Variants in DEPDC5 observed in about 807,000 individuals in gnomAD.
DEPDC5 encodes the protein GATOR1 complex protein DEPDC5.
Under a neutral mutation model 217.3 loss-of-function variants are expected in DEPDC5, and 73 were observed. The ratio of observed to expected loss-of-function variants is 0.34; its 90% CI spans 0.28 to 0.41. The LOEUF is 0.41. Ranked by LOEUF, DEPDC5 falls within the 10% of genes least tolerant of loss-of-function variation. The pLI, the probability that DEPDC5 is intolerant of heterozygous loss-of-function variation, is 1.00. For synonymous variants in DEPDC5, 733 were observed against 756.7 expected (o/e 0.97, Z 0.51); for missense variants, 1,675 against 2,070.1 (o/e 0.81, Z 3.70).
At chr22:31,799,688 G>T (rs1281952793) in intron 14 of DEPDC5, among the ~76,000 whole-genome samples, 2 of 148,348 alleles carry the variant, frequency 1.3e-5, no homozygotes, top group Non-Finnish European at 3.0e-5. Context: ...TTTTAGTAGA[G>T]ATGAGGTTTC....
At chr22:31,862,557 C>A (rs2092553795) in intron 33 of DEPDC5, among the ~76,000 whole-genome samples, 1 of 152,020 alleles carries the variant, frequency 6.6e-6, no homozygotes, top group Non-Finnish European at 1.5e-5. Flanking sequence ...GAGCCAGAGT[C>A]CATCTCAAAA....
At chr22:31,822,268 G>A (rs1283982702) in intron 23 of DEPDC5, among the ~76,000 whole-genome samples, 3 of 152,140 alleles carry the variant, frequency 2.0e-5, no homozygotes, top group Non-Finnish European at 2.9e-5. Flanking sequence ...GCAGTCTTTG[G>A]CCCCTCTTTC....
chr22:31,775,777 C>T (rs1410670993), intron 7 of DEPDC5, among the ~76,000 whole-genome samples: 1 of 152,042 alleles, frequency 6.6e-6, no homozygotes. Flanking sequence ...CACAGTGGCT[C>T]ACACCTGTAA....
At chr22:31,823,254 G>A (rs1015016239) in intron 24 of DEPDC5, 1 of 157,776 alleles carries the variant, frequency 6.3e-6, no homozygotes, top group East Asian at 1.8e-4. Flanking sequence ...CCAGGGCTGG[G>A]CGCAGTGGCT....
Position 31,892,124 on chromosome 22 carries a change from G to A in DEPDC5, c.4034-1458G>A, listed in dbSNP as rs578144386. 3.9e-5 allele frequency among the ~76,000 whole-genome samples: 6 copies of A among 152,322 alleles called. No individual in the cohort carries two copies. The East Asian group carries it at 1.2e-3, about 29-fold the overall frequency. The stretch of plus-strand genomic sequence containing the variant: ...GCAAGACTTGTCACTGGTGGTCTGT[G>A]CTGTTTGCCCATTGTGTTTCTTCAT... On this transcript the variant is annotated intron_variant, in intron 38 of 42. Coordinates refer to ENST00000651528, the MANE Select transcript of DEPDC5 (RefSeq NM_001242896.3).
intron 41 of DEPDC5, among the ~76,000 whole-genome samples, chr22:31,905,490 G>T (rs539600505): frequency 1.5e-3 from 223 of 151,932 alleles, no homozygotes; most frequent in African/African-American, 5.2e-3. Flanking sequence ...CAAAAAAAAA[G>T]ATAAGGACCT....
chr22:31,870,717 A>G lies in DEPDC5; in HGVS notation c.3458A>G (p.Tyr1153Cys). The G allele has an allele frequency of 6.3e-7, 1 of 1,585,332 alleles. No homozygotes were observed. Among genetic ancestry groups the G allele is most frequent in the Non-Finnish European group, 8.6e-7 (1 of 1,168,318 alleles). ...GNSQNIGEQG[Y>C]SSTNSSDSSS... ...TCCCAGAACATAGGAGAACAGGGCT[A>G]CTCCTCCACAAACTCCAGTGACAGC... The change falls in exon 34 of 43, where the codon TAC becomes TGC. Residue 1153 changes from tyrosine to cysteine, a missense_variant. Around this residue, in one of 11 missense-constraint regions of DEPDC5, gnomAD observed 194 missense variants for 199.3 expected, o/e 0.97. Transcript: ENST00000651528.
At chr22:31,797,733 C>T (rs754106495) in intron 13 of DEPDC5, 30 bp downstream of exon 13, 60 of 1,553,276 alleles carry the variant, frequency 3.9e-5, no homozygotes, top group Non-Finnish European at 5.2e-5. Flanking sequence ...GATGGTGCGG[C>T]GGGGAAAGGA....
chr22:31,869,114 T>C lies in DEPDC5; in HGVS notation c.3331-1476T>C, dbSNP rs114314367. Reference sequence around the variant, plus strand: ...AAAGTCAGGTATGGTGGCGCATGCCTGTAGTCCCAGTTACTTGGAAGGCTG... The same window carrying C: ...AAAGTCAGGTATGGTGGCGCATGCCCGTAGTCCCAGTTACTTGGAAGGCTG... On this transcript the variant is annotated intron_variant, in intron 33 of 42. Transcript: ENST00000651528. Among the ~76,000 whole-genome samples the C allele has an allele frequency of 3.0e-3, 457 of 152,204 alleles. 4 individuals carry two copies. Among genetic ancestry groups the C allele is most frequent in the African/African-American group, 0.011 (446 of 41,534 alleles).
At position 31,754,162 on chromosome 22, in the gene DEPDC5, T is replaced by G. The variant is rs1047431161; in HGVS notation, c.-63T>G. ...AGAGGCGGGAAGGGGCTCTAGAGCTTCGGTGAGTGGAGCTGCCCGCCCCGG... is the reference window on the plus strand; with the variant it reads ...AGAGGCGGGAAGGGGCTCTAGAGCTGCGGTGAGTGGAGCTGCCCGCCCCGG... On this transcript the variant is annotated splice_region_variant and 5_prime_UTR_variant, in exon 1 of 43. Coordinates refer to ENST00000651528, the MANE Select transcript of DEPDC5 (RefSeq NM_001242896.3). 3 of 153,064 alleles carry G rather than the reference T, an allele frequency of 2.0e-5. No homozygotes were observed. The highest frequency in any genetic ancestry group is 7.2e-5 in the African/African-American group (3 of 41,462). The allele number at this position is 153,064 out of a possible 1,614,324, so 9.5% of individuals were successfully genotyped here.
chr22:31,846,419 C>G (rs963012997), intron 30 of DEPDC5, among the ~76,000 whole-genome samples: 1 of 152,192 alleles, frequency 6.6e-6, no homozygotes, highest in Non-Finnish European at 1.5e-5. Flanking sequence ...TACACAACAT[C>G]ACTTACGATT....
chr22:31,874,653 A>T (rs558469196), intron 36 of DEPDC5, among the ~76,000 whole-genome samples: 2 of 152,322 alleles, frequency 1.3e-5, no homozygotes, highest in South Asian at 4.1e-4. Context: ...GAATCTGTGC[A>T]TTTATAAACC....
At chr22:31,781,803 G>T (rs1407136736) in intron 8 of DEPDC5, among the ~76,000 whole-genome samples, 1 of 152,190 alleles carries the variant, frequency 6.6e-6, no homozygotes, top group African/African-American at 2.4e-5. Context: ...AGAGGCCGAG[G>T]TGGGGGGGAT....
intron 24 of DEPDC5, chr22:31,831,327 G>A (rs1478224956): frequency 2.6e-5 from 4 of 152,080 alleles, no homozygotes; most frequent in African/African-American, 9.7e-5. Context: ...ATGAAATACT[G>A]TATTTGTCTG....
intron 24 of DEPDC5, among the ~76,000 whole-genome samples, chr22:31,830,098 G>T (rs991957385): frequency 8.5e-5 from 13 of 152,220 alleles, no homozygotes; most frequent in African/African-American, 3.1e-4. Flanking sequence ...TCCAGGCCAG[G>T]TCAGTTTTTT....
chr22:31,846,700 T>C, intron 30 of DEPDC5, 134 bp from the exon 31 acceptor site: 1 of 1,267,408 alleles, frequency 7.9e-7, no homozygotes, highest in Non-Finnish European at 1.1e-6. Context: ...TACTGAACAC[T>C]GAGAACCTGT....
In DEPDC5 at chr22:31,877,092, G is replaced by A. The variant is rs559296897; in HGVS notation, c.3805+827G>A. On this transcript the variant is annotated intron_variant, in intron 37 of 42. Coordinates refer to ENST00000651528, the MANE Select transcript of DEPDC5 (RefSeq NM_001242896.3). The stretch of plus-strand genomic sequence containing the variant: ...CGGGAGGCGGAGGTTGTAGTGAGCC[G>A]AGATTGTGCTGCTGTACTGCAGCCT... Among the ~76,000 whole-genome samples, 47 of 150,304 alleles carry A rather than the reference G, an allele frequency of 3.1e-4. 1 individual carries two copies. In the South Asian group the frequency reaches 7.2e-3, roughly 23 times the overall value.
chr22:31,797,913 G>T (rs1443988737), intron 13 of DEPDC5, among the ~76,000 whole-genome samples: 2 of 151,566 alleles, frequency 1.3e-5, no homozygotes, highest in Non-Finnish European at 2.9e-5. Context: ...AGGCCTTGTG[G>T]AGCCAGATGC....
intron 24 of DEPDC5, among the ~76,000 whole-genome samples, chr22:31,827,491 T>G (rs1569030916): frequency 6.6e-6 from 1 of 152,176 alleles, no homozygotes; most frequent in Non-Finnish European, 1.5e-5. Flanking sequence ...AGTTACCTGG[T>G]CTTGGGCTCC....
Sources: gnomAD v4.1 joint callset for allele counts (sites outside exome capture counted in the v4.1 genomes callset) on GRCh38, gnomAD v4.1.1 for gene constraint, gnomAD v4.1.1 regional missense constraint, MANE v1.5 for transcripts, NCBI Gene and HGNC (gene_info 2026-07-23, HGNC 2026-07-21) for gene names.